ABAT: variants seen among roughly 807,000 people sequenced by gnomAD.
ABAT encodes 4-aminobutyrate aminotransferase, also known as 4-aminobutyrate aminotransferase, mitochondrial.
In ABAT, 45 loss-of-function variants were observed where a neutral mutation model predicts 64.6. The observed-to-expected ratio is 0.70, with a 90% CI of 0.55 to 0.89. ABAT has a LOEUF of 0.89. ABAT is among the 40% of genes least tolerant of loss of function. ABAT has a pLI of 0.00. For synonymous variants in ABAT, 297 were observed against 250.5 expected (o/e 1.19, Z -1.75); for missense variants, 633 against 658.4 (o/e 0.96, Z 0.42).
intron 1 of ABAT, among the ~76,000 whole-genome samples, chr16:8,680,013 C>T (rs2141900746): frequency 6.6e-6 from 1 of 152,296 alleles, no homozygotes; most frequent in African/African-American, 2.4e-5. Flanking sequence ...AAGATTGACT[C>T]TCCAAGGGCA....
At chr16:8,676,978 A>T (rs1406286732) in intron 1 of ABAT, among the ~76,000 whole-genome samples, 1 of 152,104 alleles carries the variant, frequency 6.6e-6, no homozygotes, top group Non-Finnish European at 1.5e-5. Context: ...TTCTGCCCCC[A>T]CCCAGTTCCC....
intron 5 of ABAT, among the ~76,000 whole-genome samples, chr16:8,754,420 A>G (rs1459009050): frequency 1.3e-5 from 2 of 152,102 alleles, no homozygotes; most frequent in African/African-American, 2.4e-5. Flanking sequence ...GGTGACTGGT[A>G]GAAGGAAGAG....
intron 5 of ABAT, among the ~76,000 whole-genome samples, chr16:8,755,980 C>T (rs1330504157): frequency 5.3e-5 from 8 of 151,912 alleles, no homozygotes; most frequent in African/African-American, 1.2e-4. Context: ...ACCCAGGAGG[C>T]GGAGCTTGCA....
intron 2 of ABAT, among the ~76,000 whole-genome samples, chr16:8,745,446 C>G (rs1335313653): frequency 6.6e-6 from 1 of 152,028 alleles, no homozygotes; most frequent in Non-Finnish European, 1.5e-5. Flanking sequence ...CCTGTAATCC[C>G]AGCACTTTGG....
In ABAT at chr16:8,757,791, A is replaced by G; in HGVS notation, c.351A>G (p.Gln117=). 1 of 1,614,106 alleles carries G rather than the reference A, an allele frequency of 6.2e-7. No homozygotes were observed. Among genetic ancestry groups the G allele is most frequent in the Non-Finnish European group, 8.5e-7 (1 of 1,179,952 alleles). ...ACCCCGCCCTGCTGAAACTCATCCA[A>G]CAGCCTCAAAATGCGGTAGGTCTTG... is the stretch of plus-strand genomic sequence containing the variant. ...YSHPALLKLI[Q]QPQNASMFVN... is the part of the protein sequence containing the mutation. Residue 117 remains glutamine, a synonymous_variant, in exon 6 of 16, where the codon CAA becomes CAG. Coordinates refer to ENST00000268251, the MANE Select transcript of ABAT (RefSeq NM_020686.6).
Position 8,770,028 on chromosome 16 carries a change from T to C in ABAT, c.816+1055T>C, listed in dbSNP as rs913451169. On this transcript the variant is annotated intron_variant, in intron 11 of 15. Coordinates refer to ENST00000268251, the MANE Select transcript of ABAT (RefSeq NM_020686.6). The stretch of plus-strand genomic sequence containing the variant: ...TGGCATCAAGTACAGCACTGTCCAA[T>C]AGAAATATAATGCAAGCCACATATG... Among the ~76,000 whole-genome samples, 3 of 152,200 alleles carry C rather than the reference T, an allele frequency of 2.0e-5. No individual in the cohort carries two copies. In the East Asian group the frequency reaches 5.8e-4, roughly 29 times the overall value.
At chr16:8,738,592 TTTTTC>T (rs1385070592) in intron 2 of ABAT, 18 of 385,776 alleles carry the variant, frequency 4.7e-5, no homozygotes, top group Non-Finnish European at 7.5e-5. Context: ...TGCTTTTCCT[TTTTTC>T]TTTTTTGTTT....
At chr16:8,735,572 A>G (rs1049856731) in intron 1 of ABAT, 127 bp from the exon 2 acceptor site, 3 of 844,210 alleles carry the variant, frequency 3.6e-6, no homozygotes, top group South Asian at 1.5e-5. Flanking sequence ...TGTTCAGTAT[A>G]AAACCCAAGC....
At chr16:8,741,180 C>G (rs542997724) in intron 2 of ABAT, among the ~76,000 whole-genome samples, 1 of 152,354 alleles carries the variant, frequency 6.6e-6, no homozygotes, top group South Asian at 2.1e-4. Flanking sequence ...ATACTCTTGC[C>G]TTCTGGATGT....
chr16:8,746,241 G>A, intron 3 of ABAT, 143 bp downstream of exon 3: 1 of 735,850 alleles, frequency 1.4e-6, no homozygotes. Context: ...GATACTCAAT[G>A]AGGCCATTTT....
At chr16:8,715,785 T>C (rs12149146) in intron 1 of ABAT, among the ~76,000 whole-genome samples, 12,244 of 152,194 alleles carry the variant, frequency 0.08, 563 homozygotes, top group Middle Eastern at 0.15. Context: ...ATAATAGTAT[T>C]TTATTAATGG....
Position 8,761,258 on chromosome 16 carries a change from C to T in ABAT, c.367-2811C>T, listed in dbSNP as rs191059001. ...GGGACTGGTCCTAACCCTCACATCT[C>T]CCACTTGGCTTTCTGCCAGCAACCT... On this transcript the variant is annotated intron_variant, in intron 6 of 15. Transcript: ENST00000268251. 4.2e-3 allele frequency among the ~76,000 whole-genome samples: 632 copies of T among 150,654 alleles called. 3 individuals are homozygous for T. The highest frequency in any genetic ancestry group is 0.015 in the African/African-American group (604 of 41,264).
chr16:8,746,386 GTA>G (rs1417891103), intron 3 of ABAT, among the ~76,000 whole-genome samples: 1 of 151,624 alleles, frequency 6.6e-6, no homozygotes, highest in Non-Finnish European at 1.5e-5. Context: ...AACCCTGTCT[GTA>G]CTCAAAATAC....
intron 11 of ABAT, among the ~76,000 whole-genome samples, chr16:8,770,193 A>G (rs1287451217): frequency 2.6e-5 from 4 of 152,182 alleles, no homozygotes; most frequent in Non-Finnish European, 5.9e-5. Flanking sequence ...GCTGGAGTGC[A>G]GTGGCGCGAT....
chr16:8,733,425 G>A (rs1212938289), intron 1 of ABAT, among the ~76,000 whole-genome samples: 33 of 151,940 alleles, frequency 2.2e-4, no homozygotes, highest in Non-Finnish European at 1.3e-4. Context: ...CTTCCCAGAC[G>A]GGGTGGCGGC....
At chr16:8,730,270 A>T (rs886377555) in intron 1 of ABAT, among the ~76,000 whole-genome samples, 9 of 152,176 alleles carry the variant, frequency 5.9e-5, no homozygotes, top group African/African-American at 2.2e-4. Context: ...CGGTAGGTGT[A>T]CCATGAATGT....
intron 12 of ABAT, among the ~76,000 whole-genome samples, chr16:8,773,261 C>T (rs1441959487): frequency 1.3e-5 from 2 of 152,016 alleles, no homozygotes; most frequent in African/African-American, 4.8e-5. Context: ...AAGTGATTCT[C>T]CTACCTCAGC....
intron 11 of ABAT, among the ~76,000 whole-genome samples, chr16:8,770,523 C>T (rs933945566): frequency 1.1e-4 from 17 of 152,168 alleles, no homozygotes; most frequent in East Asian, 3.9e-4. Context: ...ACTGCAGTCT[C>T]GACCTCTCTG....
At chr16:8,750,349 TC>T in intron 4 of ABAT, 72 bp from the exon 5 acceptor site, 1 of 1,279,010 alleles carries the variant, frequency 7.8e-7, no homozygotes, top group South Asian at 1.2e-5. Context: ...CTTCACTGAT[TC>T]AAGCTTAATC....
Sources: allele counts gnomAD v4.1 joint callset (sites outside exome capture counted in the v4.1 genomes callset), GRCh38; gene constraint gnomAD v4.1.1; transcripts MANE v1.5; gene names NCBI Gene and HGNC (gene_info 2026-07-23, HGNC 2026-07-21).